HEATR4: variants seen among roughly 807,000 people sequenced by gnomAD.
The protein encoded by HEATR4 is HEAT repeat-containing protein 4.
Under a neutral mutation model 108.8 loss-of-function variants are expected in HEATR4, and 95 were observed. The ratio of observed to expected loss-of-function variants is 0.87; its 90% CI spans 0.74 to 1.04. The LOEUF (loss-of-function observed/expected upper bound fraction) is 1.04, where lower values mean the gene tolerates loss of function less well. Among genes scored for constraint, HEATR4 ranks in the 50% least tolerant of loss-of-function variants. The pLI is 0.00. For missense variants in HEATR4, 1,152 were observed against 1,253.8 expected (o/e 0.92, Z 1.23); for synonymous variants, 443 against 459.4 (o/e 0.96, Z 0.46).
chr14:73,515,818 C>T (rs1294773274), intron 5 of HEATR4, among the ~76,000 whole-genome samples: 2 of 110,052 alleles, frequency 1.8e-5, no homozygotes, highest in Non-Finnish European at 3.6e-5. Context: ...GGCCTCCCTC[C>T]TTTCTGGGGT....
chr14:73,499,591 G>A (rs1886309622), intron 12 of HEATR4, among the ~76,000 whole-genome samples: 1 of 152,172 alleles, frequency 6.6e-6, no homozygotes, highest in Non-Finnish European at 1.5e-5. Context: ...GGTGACAAAT[G>A]AGCTGGAGCC....
At position 73,492,022 on chromosome 14, in the gene HEATR4, G is replaced by A. The variant is rs374728003; in HGVS notation, c.2844+1044C>T. On this transcript the variant is annotated intron_variant, in intron 17 of 17. Coordinates refer to ENST00000553558, the MANE Select transcript of HEATR4 (RefSeq NM_001220484.1). The surrounding 1 kb of genome is among the most constrained non-coding windows in gnomAD (Gnocchi z 4.9). ...TTTACCTCACGCCCCCTAACTCGCA[G>A]GGCTTTGCCCCCCACTACGACGACA... The A allele has an allele frequency of 8.7e-6, 14 of 1,613,996 alleles. No individual in the cohort carries two copies. The African/African-American group carries it at 1.9e-4, about 22-fold the overall frequency.
At chr14:73,525,431 G>A (rs1888266081) in intron 2 of HEATR4, among the ~76,000 whole-genome samples, 1 of 152,078 alleles carries the variant, frequency 6.6e-6, no homozygotes, top group Non-Finnish European at 1.5e-5. Context: ...AGGACTTTTT[G>A]CACATAAGGC....
rs760921243 is a variant in HEATR4, at chr14:73,492,161, C to T, written c.2844+905G>A. The T allele has an allele frequency of 6.2e-7, 1 of 1,613,976 alleles. No individual in the cohort carries two copies. Among genetic ancestry groups the T allele is most frequent in the Non-Finnish European group, 8.5e-7 (1 of 1,179,890 alleles). On this transcript the variant is annotated intron_variant, in intron 17 of 17. Transcript: ENST00000553558. The surrounding 1 kb of genome is among the most constrained non-coding windows in gnomAD (Gnocchi z 4.9). ...CAGCCCCAACTTCAGTCAGGACGACCTCGGTGAGCCGGTGCTGCAGACCGT... is the reference window on the plus strand; with the variant it reads ...CAGCCCCAACTTCAGTCAGGACGACTTCGGTGAGCCGGTGCTGCAGACCGT...
chr14:73,612,790 G>T, the HEATR4 span: 11 of 1,364,848 alleles, frequency 8.1e-6, no homozygotes, highest in African/African-American at 1.5e-4. Flanking sequence ...GCAGCTTCGC[G>T]GGGCTCCAGC....
At position 73,556,995 on chromosome 14, in the gene HEATR4, G is replaced by A. The variant is rs1595163459; in HGVS notation, c.-152+1756C>T. On this transcript the variant is annotated intron_variant, in intron 1 of 17. Transcript: ENST00000553558. ...CTTATTATCGAAACTTACACATTAC[G>A]TGACCAGCATTATGAGGCAGCACCC... Among the ~76,000 whole-genome samples the A allele has an allele frequency of 1.8e-5, 2 of 113,376 alleles. 1 individual carries two copies. The highest frequency in any genetic ancestry group is 5.6e-4 in the South Asian group (2 of 3,552). 74.4% of individuals were successfully genotyped at this position (113,376 alleles called of 152,430 possible). A position where few individuals can be genotyped will look rare whatever the true frequency, so the allele number is the denominator to read the frequency against.
intron 1 of HEATR4, among the ~76,000 whole-genome samples, chr14:73,546,360 TA>T (rs1261565738): frequency 1.0e-5 from 1 of 96,716 alleles, no homozygotes; most frequent in African/African-American, 4.7e-5. Flanking sequence ...TGACATTTCG[TA>T]TTTTTTTTTT....
chr14:73,595,905 C>T, the HEATR4 span: 1 of 349,454 alleles, frequency 2.9e-6, no homozygotes, highest in Non-Finnish European at 5.0e-6. Flanking sequence ...GTGTTTCCTT[C>T]TAGATTTTTT....
At chr14:73,599,011 A>G in the HEATR4 span, among the ~76,000 whole-genome samples, 1 of 152,066 alleles carries the variant, frequency 6.6e-6, no homozygotes, top group Non-Finnish European at 1.5e-5. Context: ...CAAAAAAAAA[A>G]CAAAAAGAAG....
At chr14:73,496,455 C>G in intron 15 of HEATR4, 146 bp downstream of exon 15, 1 of 593,258 alleles carries the variant, frequency 1.7e-6, no homozygotes, top group East Asian at 2.8e-5. Context: ...TTTGCATCTT[C>G]AAATGATGTG....
At chr14:73,612,609 G>T in the HEATR4 span, 1 of 1,418,700 alleles carries the variant, frequency 7.0e-7, no homozygotes. Context: ...GCGGGCCGCT[G>T]CTGCTGGGAC....
At chr14:73,487,121 TAA>T (rs1885482524) in intron 17 of HEATR4, among the ~76,000 whole-genome samples, 1 of 138,590 alleles carries the variant, frequency 7.2e-6, no homozygotes, top group African/African-American at 2.7e-5. Context: ...ATAATAATAA[TAA>T]TTAAAAAAAG....
At chr14:73,520,429 T>C (rs927697409) in intron 4 of HEATR4, 2 of 158,010 alleles carry the variant, frequency 1.3e-5, no homozygotes, top group Non-Finnish European at 2.8e-5. Flanking sequence ...AAAAAAATAC[T>C]GAGCCAGGAT....
At chr14:73,529,682 C>G (rs1888587416) in intron 2 of HEATR4, among the ~76,000 whole-genome samples, 1 of 152,184 alleles carries the variant, frequency 6.6e-6, no homozygotes, top group Non-Finnish European at 1.5e-5. Context: ...TTACCCTCAC[C>G]CTCTGGTCTG....
the HEATR4 span, among the ~76,000 whole-genome samples, chr14:73,605,070 C>T: frequency 7.4e-5 from 11 of 147,796 alleles, no homozygotes; most frequent in Non-Finnish European, 1.0e-4. Flanking sequence ...CAAGACAAAA[C>T]GGAGAAAAAT....
chr14:73,491,869 C>G, intron 17 of HEATR4: 1 of 1,610,960 alleles, frequency 6.2e-7, no homozygotes, highest in South Asian at 1.1e-5. Context: ...CGCTGCCCGC[C>G]GCCGCGTGGT....
At chr14:73,533,170 A>G (rs1888760966) in intron 1 of HEATR4, among the ~76,000 whole-genome samples, 1 of 112,844 alleles carries the variant, frequency 8.9e-6, no homozygotes, top group African/African-American at 2.9e-5. Context: ...CAAAAAATTA[A>G]ATATAGAATT....
the HEATR4 span, chr14:73,582,750 T>C: frequency 2.6e-5 from 4 of 152,054 alleles, no homozygotes; most frequent in Non-Finnish European, 5.9e-5. Flanking sequence ...CACCACCTTA[T>C]GAATAATCAT....
intron 10 of HEATR4, among the ~76,000 whole-genome samples, chr14:73,505,596 A>C (rs906135478): frequency 6.6e-6 from 1 of 151,856 alleles, no homozygotes; most frequent in Non-Finnish European, 1.5e-5. Context: ...GGATTTCACT[A>C]TGTTGGCCAG....
Sources: gnomAD v4.1 joint callset for allele counts (sites outside exome capture counted in the v4.1 genomes callset) on GRCh38, gnomAD v4.1.1 for gene constraint, Gnocchi (gnomAD v3.1) non-coding constraint, MANE v1.5 for transcripts, NCBI Gene and HGNC (gene_info 2026-07-23, HGNC 2026-07-21) for gene names.